KMT5A: variants seen among roughly 807,000 people sequenced by gnomAD.
KMT5A encodes the protein N-lysine methyltransferase KMT5A.
In KMT5A, 6 loss-of-function variants were observed where a neutral mutation model predicts 40.6. The ratio of observed to expected loss-of-function variants is 0.15; its 90% CI spans 0.08 to 0.29. The LOEUF is 0.29. KMT5A is among the 10% of genes least tolerant of loss of function. The pLI is 1.00. For synonymous variants in KMT5A, 153 were observed against 178.8 expected (o/e 0.86, Z 1.15); for missense variants, 308 against 459.1 (o/e 0.67, Z 3.01).
At chr12:123,402,379 A>G (rs1380949331) in intron 5 of KMT5A, among the ~76,000 whole-genome samples, 1 of 152,160 alleles carries the variant, frequency 6.6e-6, no homozygotes. Flanking sequence ...CTCATTCACC[A>G]TTGTTCCCAG....
At chr12:123,404,183 A>G (rs1281554223) in intron 6 of KMT5A, among the ~76,000 whole-genome samples, 1 of 152,314 alleles carries the variant, frequency 6.6e-6, no homozygotes, top group East Asian at 1.9e-4. Context: ...GACAATGCCC[A>G]AGAAATGTGC....
chr12:123,397,747 A>G (rs1016764407), intron 5 of KMT5A, among the ~76,000 whole-genome samples: 1 of 149,190 alleles, frequency 6.7e-6, no homozygotes, highest in African/African-American at 2.5e-5. Context: ...ACTCACCGCA[A>G]CCTCCATCTC....
chr12:123,389,762 C>G (rs936423633), intron 2 of KMT5A, among the ~76,000 whole-genome samples: 1 of 152,104 alleles, frequency 6.6e-6, no homozygotes, highest in Non-Finnish European at 1.5e-5. Context: ...GTGGCGTCTC[C>G]GCAGCCCAAG....
In KMT5A at chr12:123,384,660, C is replaced by A. The variant is rs548020213; in HGVS notation, c.10+452C>A. 1.3e-5 allele frequency among the ~76,000 whole-genome samples: 2 copies of A among 152,358 alleles called. No homozygotes were observed. The highest frequency in any genetic ancestry group is 3.9e-4 in the East Asian group (2 of 5,192). Reference sequence around the variant, plus strand: ...GATCGATAACCTGCATATTGGGGTGCGCGTCAGGGTGGACACCGCAGCAGG... The same window carrying A: ...GATCGATAACCTGCATATTGGGGTGAGCGTCAGGGTGGACACCGCAGCAGG... On this transcript the variant is annotated intron_variant, in intron 1 of 7. Coordinates refer to ENST00000402868, the MANE Select transcript of KMT5A (RefSeq NM_020382.7). The surrounding 1 kb of genome is among the most constrained non-coding windows in gnomAD (Gnocchi z 5.7).
chr12:123,391,840 A>G (rs1877340308), intron 3 of KMT5A, among the ~76,000 whole-genome samples: 1 of 152,210 alleles, frequency 6.6e-6, no homozygotes, highest in Non-Finnish European at 1.5e-5. Flanking sequence ...ACGATTTGGC[A>G]TGACCTCTGG....
intron 1 of KMT5A, among the ~76,000 whole-genome samples, chr12:123,385,542 A>G (rs1377898801): frequency 6.6e-6 from 1 of 152,174 alleles, no homozygotes; most frequent in Non-Finnish European, 1.5e-5. Flanking sequence ...TCATTGAAAT[A>G]CTTAAAATAT....
At chr12:123,392,614 T>TGATC (rs1368316854) in intron 3 of KMT5A, among the ~76,000 whole-genome samples, 1 of 152,050 alleles carries the variant, frequency 6.6e-6, no homozygotes, top group Non-Finnish European at 1.5e-5. Context: ...CAGTGAGCTA[T>TGATC]GATCATGCCA....
intron 5 of KMT5A, among the ~76,000 whole-genome samples, chr12:123,397,969 G>A (rs776778670): frequency 1.3e-5 from 2 of 151,114 alleles, no homozygotes; most frequent in Admixed American, 6.6e-5. Context: ...CACCGTGCTC[G>A]GCCTGCTAGG....
intron 1 of KMT5A, chr12:123,389,209 G>C (rs1317027973): frequency 4.3e-5 from 6 of 138,482 alleles, no homozygotes; most frequent in Admixed American, 1.4e-4. Context: ...CGGCCGCGCG[G>C]GGGGCGGGCG....
chr12:123,389,919 C>T (rs996230093), intron 2 of KMT5A: 6 of 378,272 alleles, frequency 1.6e-5, no homozygotes, highest in African/African-American at 1.1e-4. Flanking sequence ...CGCCCTCCTC[C>T]GTCTGTACTT....
At chr12:123,394,110 T>TC (rs2139173866) in intron 3 of KMT5A, among the ~76,000 whole-genome samples, 1 of 147,214 alleles carries the variant, frequency 6.8e-6, no homozygotes, top group South Asian at 2.2e-4. Context: ...TTTTCTTTTT[T>TC]TTTTTTTTTT....
chr12:123,387,427 A>C (rs1326496967), intron 1 of KMT5A, among the ~76,000 whole-genome samples: 1 of 152,248 alleles, frequency 6.6e-6, no homozygotes, highest in African/African-American at 2.4e-5. Flanking sequence ...CATGATTCTC[A>C]TGGCAGTTAA....
intron 6 of KMT5A, among the ~76,000 whole-genome samples, chr12:123,404,218 C>T (rs896132189): frequency 4.6e-5 from 7 of 152,196 alleles, no homozygotes; most frequent in Non-Finnish European, 1.0e-4. Context: ...ATTTCAACCA[C>T]ACTCAGTTTG....
rs1878840549 is a variant in KMT5A at position 123,409,248 on chromosome 12, ATTATACCTGTTTGTGGTTTAGC to A, written c.*1548_*1569del. 6 of 152,716 alleles carry A rather than the reference ATTATACCTGTTTGTGGTTTAGC, an allele frequency of 3.9e-5. No individual in the cohort carries two copies. The South Asian group carries it at 1.2e-3, about 32-fold the overall frequency. 9.5% of individuals were successfully genotyped at this position (152,716 alleles called of 1,614,324 possible). On this transcript the variant is annotated 3_prime_UTR_variant, in exon 8 of 8. Coordinates refer to ENST00000402868, the MANE Select transcript of KMT5A (RefSeq NM_020382.7). Reference sequence around the variant, plus strand: ...TGTAAATGTGAGACACAATGTCTTGATTATACCTGTTTGTGGTTTAGCTTTGTATTTAAACAAGGAAATAAAC... The same window carrying A: ...TGTAAATGTGAGACACAATGTCTTGATTTGTATTTAAACAAGGAAATAAAC...
At chr12:123,392,807 C>T (rs1213205366) in intron 3 of KMT5A, among the ~76,000 whole-genome samples, 1 of 152,148 alleles carries the variant, frequency 6.6e-6, no homozygotes, top group Non-Finnish European at 1.5e-5. Context: ...GATGTCCTGG[C>T]TTTAATTCTC....
At chr12:123,397,207 G>A (rs577840633) in intron 5 of KMT5A, among the ~76,000 whole-genome samples, 5 of 152,386 alleles carry the variant, frequency 3.3e-5, no homozygotes, top group African/African-American at 1.2e-4. Context: ...TATGCGGCAG[G>A]CAGTCAATAT....
chr12:123,407,354 A>G, intron 7 of KMT5A, 139 bp from the exon 8 acceptor site: 3 of 887,068 alleles, frequency 3.4e-6, no homozygotes, highest in Non-Finnish European at 5.2e-6. Context: ...GAAAAAGAAA[A>G]TAGCTTTATG....
rs1876770706 is a variant in KMT5A at position 123,384,809 on chromosome 12, G to A, written c.10+601G>A. ...TCTCGCGGGCGCGGTCGTTCGCCCC[G>A]CATCTGGTCAGGACTTCGCCCCCCG... On this transcript the variant is annotated intron_variant, in intron 1 of 7. Transcript: ENST00000402868. The surrounding 1 kb of genome is among the most constrained non-coding windows in gnomAD (Gnocchi z 5.7). 6.6e-6 allele frequency among the ~76,000 whole-genome samples: 1 copy of A among 152,214 alleles called. No individual in the cohort carries two copies. The highest frequency in any genetic ancestry group is 2.4e-5 in the African/African-American group (1 of 41,458).
At chr12:123,401,444 T>C (rs1878167718) in intron 5 of KMT5A, among the ~76,000 whole-genome samples, 1 of 152,054 alleles carries the variant, frequency 6.6e-6, no homozygotes, top group African/African-American at 2.4e-5. Flanking sequence ...CTTTCTTTTT[T>C]TTTTAACCTT....
Sources: gnomAD v4.1 joint callset for allele counts (sites outside exome capture counted in the v4.1 genomes callset) on GRCh38, gnomAD v4.1.1 for gene constraint, Gnocchi (gnomAD v3.1) non-coding constraint, MANE v1.5 for transcripts, NCBI Gene and HGNC (gene_info 2026-07-23, HGNC 2026-07-21) for gene names.